The following ANO7 variants were observed in gnomAD, a reference collection of about 807,000 sequenced individuals.
ANO7 encodes anoctamin-7.
A neutral mutation model predicts 115.8 loss-of-function variants in ANO7; 114 were observed. The observed-to-expected ratio is 0.98, with a 90% CI of 0.85 to 1.15. ANO7 has a LOEUF of 1.15. ANO7 is among the 50% of genes most tolerant of loss of function. The pLI, the probability that ANO7 is intolerant of heterozygous loss-of-function variation, is 0.00. For synonymous variants in ANO7, 550 were observed against 498.2 expected (o/e 1.10, Z -1.38); for missense variants, 1,302 against 1,201.2 (o/e 1.08, Z -1.24).
chr2:241,218,298 C>G lies in ANO7; in HGVS notation c.2238C>G (p.Arg746=), dbSNP rs2149261935. The G allele has an allele frequency of 2.0e-6, 3 of 1,535,098 alleles. No homozygotes were observed. Among genetic ancestry groups the G allele is most frequent in the East Asian group, 2.7e-5 (1 of 37,372 alleles). ...CGCGCGCCTACTACCGGTGGACCCG[C>G]GCCCACGACCTGCGCGGCTTCCTCA... ...FLPRAYYRWT[R]AHDLRGFLNF... is the part of the protein sequence containing the mutation. The change falls in exon 21 of 25, where the codon CGC becomes CGG. Residue 746 remains arginine (R), a synonymous_variant. Coordinates refer to ENST00000674324, the MANE Select transcript of ANO7 (RefSeq NM_001370694.2).
intron 8 of ANO7, 21 bp downstream of exon 8, chr2:241,202,325 C>T: frequency 3.7e-6 from 6 of 1,606,024 alleles, no homozygotes; most frequent in South Asian, 1.1e-5. Flanking sequence ...GGGCTGGGGG[C>T]TCCAGCCTGG....
At chr2:241,209,848 C>T (rs951897439) in intron 13 of ANO7, among the ~76,000 whole-genome samples, 1 of 152,126 alleles carries the variant, frequency 6.6e-6, no homozygotes, top group Non-Finnish European at 1.5e-5. Context: ...GGGAGGGTCT[C>T]CCCGTGGGTG....
At chr2:241,191,887 A>G (rs1182671047) in intron 3 of ANO7, among the ~76,000 whole-genome samples, 1 of 152,214 alleles carries the variant, frequency 6.6e-6, no homozygotes, top group Non-Finnish European at 1.5e-5. Flanking sequence ...TTCCTCAGAG[A>G]ATTCAGCACA....
chr2:241,190,163 G>T lies in ANO7; in HGVS notation c.100G>T (p.Ala34Ser). 2 of 1,561,372 alleles carry T rather than the reference G, an allele frequency of 1.3e-6. No individual in the cohort carries two copies. Among genetic ancestry groups the T allele is most frequent in the Non-Finnish European group, 1.7e-6 (2 of 1,152,722 alleles). ...GGGCTCTTACGGGAGCACAGCCCAC[G>T]CCTCGGAGGTAACAGCACCCAGGAG... ...KRGSYGSTAH[A>S]SEPGGQQAAA... is the part of the protein sequence containing the mutation. Residue 34 changes from alanine to serine, a missense_variant, in exon 2 of 25, where the codon GCC becomes TCC. By Grantham distance (99) the Ala-to-Ser change is moderately conservative. Coordinates refer to ENST00000674324, the MANE Select transcript of ANO7 (RefSeq NM_001370694.2).
rs1197592356 is a variant in ANO7 at position 241,199,302 on chromosome 2, CT to C, written c.310-13del. On this transcript the variant is annotated splice_polypyrimidine_tract_variant and intron_variant, in intron 4 of 24. Transcript: ENST00000674324. ...TGCACCCTCAGGCTCTCACGGAGCC[CT>C]GGGTGCCTACAGCAGGACGTCCAGG... is the stretch of plus-strand genomic sequence containing the variant. 4 of 1,611,576 alleles carry C rather than the reference CT, an allele frequency of 2.5e-6. No homozygotes were observed. The highest frequency in any genetic ancestry group is 1.3e-5 in the African/African-American group (1 of 75,022).
At chr2:241,211,611 A>G (rs2068721975) in intron 15 of ANO7, among the ~76,000 whole-genome samples, 1 of 152,154 alleles carries the variant, frequency 6.6e-6, no homozygotes, top group Non-Finnish European at 1.5e-5. Flanking sequence ...TGCAGGTGGC[A>G]GGTGTCTCAG....
At chr2:241,229,697 G>A (rs1559467986), downstream of ANO7, 4 of 1,613,784 alleles carry the variant, frequency 2.5e-6, no homozygotes, top group African/African-American at 1.3e-5. Flanking sequence ...CCTGTGCAGA[G>A]AGAGGACACG....
rs982722675 is a variant in ANO7, at chr2:241,225,048, C to T, written c.*895C>T. ...TGTGTTCATACATAATTGTTTTCCA[C>T]GCTGGATCATAATGTGACGTGCAGT... On this transcript the variant is annotated 3_prime_UTR_variant, in exon 25 of 25. Transcript: ENST00000674324. 6.6e-6 allele frequency: 1 copy of T among 152,162 alleles called. No homozygotes were observed. The highest frequency in any genetic ancestry group is 2.4e-5 in the African/African-American group (1 of 41,430). 9.4% of individuals were successfully genotyped at this position (152,162 alleles called of 1,614,324 possible). A position where few individuals can be genotyped will look rare whatever the true frequency, so the allele number is the denominator to read the frequency against.
At chr2:241,226,569 C>T (rs1237215269), downstream of ANO7, among the ~76,000 whole-genome samples, 12 of 152,026 alleles carry the variant, frequency 7.9e-5, no homozygotes, top group Admixed American at 1.3e-4. Context: ...GGACTACAGG[C>T]GCCCGCCACC....
At chr2:241,192,794 C>T (rs2068235381) in intron 3 of ANO7, among the ~76,000 whole-genome samples, 2 of 152,004 alleles carry the variant, frequency 1.3e-5, no homozygotes, top group Admixed American at 1.3e-4. Flanking sequence ...GCCTTGTGGA[C>T]AGTATGCTAC....
downstream of ANO7, chr2:241,229,928 C>G: frequency 6.2e-7 from 1 of 1,604,080 alleles, no homozygotes; most frequent in Non-Finnish European, 8.5e-7. Context: ...TTCATGTATA[C>G]CTGCAGCGCC....
At chr2:241,234,058 G>A in the ANO7 span, 6 of 1,387,020 alleles carry the variant, frequency 4.3e-6, no homozygotes, top group Admixed American at 1.8e-5. Context: ...CACTGGAGAT[G>A]CTGCAGTGTT....
the ANO7 span, chr2:241,235,639 G>C: frequency 7.2e-7 from 1 of 1,381,248 alleles, no homozygotes; most frequent in Non-Finnish European, 1.0e-6. Context: ...GCTGAGAGCA[G>C]AGTGACGTTG....
chr2:241,204,273 A>C (rs1461178138), intron 9 of ANO7, among the ~76,000 whole-genome samples: 4 of 152,162 alleles, frequency 2.6e-5, no homozygotes, highest in Non-Finnish European at 5.9e-5. Flanking sequence ...CTTGCGTTTC[A>C]CAGCAGTCAC....
At chr2:241,196,116 C>G in intron 4 of ANO7, 1 of 1,384,288 alleles carries the variant, frequency 7.2e-7, no homozygotes, top group Non-Finnish European at 9.3e-7. Context: ...CTGACACTAC[C>G]TTTGCCATTC....
At chr2:241,223,424 T>C (rs2069075803) in intron 22 of ANO7, 148 bp downstream of exon 22, 1 of 1,097,274 alleles carries the variant, frequency 9.1e-7, no homozygotes, top group Middle Eastern at 2.5e-4. Flanking sequence ...TGCACCTGCG[T>C]TTTCCCTGCC....
At chr2:241,212,821 C>T in intron 17 of ANO7, 195 bp downstream of exon 17, 4 of 592,158 alleles carry the variant, frequency 6.8e-6, no homozygotes, top group Non-Finnish European at 1.2e-5. Flanking sequence ...CCCCGATATG[C>T]CCCATTCAGA....
chr2:241,218,258 C>G lies in ANO7; in HGVS notation c.2198C>G (p.Ser733Trp), dbSNP rs1252563677. The G allele has an allele frequency of 5.9e-6, 9 of 1,528,924 alleles. No individual in the cohort carries two copies. In the African/African-American group the frequency reaches 8.6e-5, roughly 15 times the overall value. The allele number at this position is 1,528,924 out of a possible 1,614,324, so 94.7% of individuals were successfully genotyped here. ...GCCCAGGCCTTCCTCCTGGCCTTCT[C>G]GTCCGACTTCCTGCCGCGCGCCTAC... ...VISNAFLLAF[S>W]SDFLPRAYYR... Residue 733 changes from serine (S) to tryptophan (W), a missense_variant, in exon 21 of 25, where the codon TCG becomes TGG. Physicochemically the swap from Ser to Trp is radical, Grantham distance 177. Transcript: ENST00000674324.
chr2:241,218,743 C>G (rs775473581), intron 21 of ANO7, among the ~76,000 whole-genome samples: 4 of 152,136 alleles, frequency 2.6e-5, no homozygotes, highest in African/African-American at 9.7e-5. Context: ...CGGAGCTCGC[C>G]GAAAAAGAAA....
Sources: allele counts gnomAD v4.1 joint callset (sites outside exome capture counted in the v4.1 genomes callset), GRCh38; gene constraint gnomAD v4.1.1; transcripts MANE v1.5; gene names NCBI Gene and HGNC (gene_info 2026-07-23, HGNC 2026-07-21).